Variants in PCCA observed in about 807,000 individuals in gnomAD.
PCCA encodes propionyl-CoA carboxylase subunit alpha.
PCCA carries 74 observed loss-of-function variants against 101.3 expected under a neutral mutation model. The observed-to-expected ratio is 0.73, with a 90% CI of 0.61 to 0.89. PCCA has a LOEUF of 0.89. PCCA is among the 40% of genes least tolerant of loss of function. PCCA has a pLI of 0.00. For synonymous variants in PCCA, 294 were observed against 313.6 expected, an observed-to-expected ratio of 0.94 and a Z score of 0.66; for missense variants, 891 against 907.0, an observed-to-expected ratio of 0.98 and a Z score of 0.23.
rs371548257 is a variant in PCCA at position 100,131,693 on chromosome 13, T to C, written c.300+19632T>C. On this transcript the variant is annotated intron_variant, in intron 4 of 23. Coordinates refer to ENST00000376285, the MANE Select transcript of PCCA (RefSeq NM_000282.4). ...ATGCCTTTACAGTATTTTATTATAT[T>C]AGCTTATGTTCATTGTATGGGGTTG... 1.1e-4 allele frequency among the ~76,000 whole-genome samples: 17 copies of C among 152,230 alleles called. No homozygotes were observed. In the East Asian group the frequency reaches 3.3e-3, roughly 29 times the overall value.
intron 8 of PCCA, among the ~76,000 whole-genome samples, chr13:100,246,587 C>G (rs2152539390): frequency 6.6e-6 from 1 of 152,084 alleles, no homozygotes; most frequent in East Asian, 1.9e-4. Context: ...TTTGGCCTCC[C>G]AAAGTGCTAG....
At chr13:100,123,435 A>G (rs1297956185) in intron 4 of PCCA, among the ~76,000 whole-genome samples, 1 of 152,246 alleles carries the variant, frequency 6.6e-6, no homozygotes, top group Admixed American at 6.5e-5. Flanking sequence ...AATTTCCTAT[A>G]TATCAATAAG....
At chr13:100,502,234 G>A (rs569304131) in intron 21 of PCCA, among the ~76,000 whole-genome samples, 1 of 152,174 alleles carries the variant, frequency 6.6e-6, no homozygotes, top group Admixed American at 6.5e-5. Flanking sequence ...TGCATTATGA[G>A]TGTATAGTGG....
At chr13:100,447,105 G>T (rs1277709598) in intron 20 of PCCA, among the ~76,000 whole-genome samples, 1 of 152,176 alleles carries the variant, frequency 6.6e-6, no homozygotes, top group East Asian at 1.9e-4. Context: ...AAATGGGTTG[G>T]CTGGGCGCAG....
chr13:100,138,623 T>A (rs1157957550), intron 4 of PCCA, among the ~76,000 whole-genome samples: 1 of 152,160 alleles, frequency 6.6e-6, no homozygotes, highest in East Asian at 1.9e-4. Context: ...CAACTAATGC[T>A]CTTAGTTTTC....
intron 21 of PCCA, among the ~76,000 whole-genome samples, chr13:100,494,361 G>T (rs1169618360): frequency 2.0e-5 from 3 of 151,980 alleles, no homozygotes; most frequent in Non-Finnish European, 4.4e-5. Context: ...GCTAGGTCAG[G>T]ATGCCAGCCT....
intron 20 of PCCA, among the ~76,000 whole-genome samples, chr13:100,428,731 T>C (rs2079341763): frequency 6.6e-6 from 1 of 152,110 alleles, no homozygotes; most frequent in Non-Finnish European, 1.5e-5. Context: ...TCTGCATTTC[T>C]GGCAAGCCCC....
At chr13:100,476,783 A>G (rs1463334941) in intron 21 of PCCA, among the ~76,000 whole-genome samples, 1 of 152,164 alleles carries the variant, frequency 6.6e-6, no homozygotes, top group African/African-American at 2.4e-5. Flanking sequence ...CATGTGTCAC[A>G]CAGTCACCTT....
chr13:100,144,487 T>C (rs1362387806), intron 4 of PCCA, among the ~76,000 whole-genome samples: 2 of 152,242 alleles, frequency 1.3e-5, no homozygotes, highest in Non-Finnish European at 2.9e-5. Context: ...TTTCATGTAC[T>C]CATTTTTATA....
At chr13:100,362,964 A>T (rs1213228217) in intron 18 of PCCA, among the ~76,000 whole-genome samples, 1 of 152,140 alleles carries the variant, frequency 6.6e-6, no homozygotes, top group Non-Finnish European at 1.5e-5. Flanking sequence ...GATGAACTTT[A>T]ATGTTGGAGT....
intron 16 of PCCA, among the ~76,000 whole-genome samples, chr13:100,319,620 A>G (rs2067781110): frequency 6.6e-6 from 1 of 152,088 alleles, no homozygotes. Context: ...TGTTTTTGTC[A>G]GGTTTGTCAA....
chr13:100,150,330 C>T (rs1019271473), intron 4 of PCCA, among the ~76,000 whole-genome samples: 2 of 152,054 alleles, frequency 1.3e-5, no homozygotes, highest in Admixed American at 1.3e-4. Context: ...CTGCACCTGG[C>T]TGCAGGCATA....
intron 18 of PCCA, among the ~76,000 whole-genome samples, chr13:100,365,455 A>C (rs538656381): frequency 4.7e-4 from 72 of 152,328 alleles, no homozygotes; most frequent in African/African-American, 1.4e-3. Context: ...CAATGTTCCA[A>C]TGCCTCTGGA....
intron 21 of PCCA, among the ~76,000 whole-genome samples, chr13:100,451,790 C>CCTCTCCTCTCTGTCCTCTTCCTCTCCTCT (rs2081274855): frequency 1.0e-5 from 1 of 98,996 alleles, no homozygotes; most frequent in Admixed American, 1.0e-4. Context: ...CTGTCCTCTT[C>CCTCTCCTCTCTGTCCTCTTCCTCTCCTCT]CTCTCCTCTC....
chr13:100,104,956 G>A (rs1013696601), intron 2 of PCCA, among the ~76,000 whole-genome samples: 18 of 151,970 alleles, frequency 1.2e-4, no homozygotes, highest in Admixed American at 3.9e-4. Flanking sequence ...TCCTGCCTCA[G>A]CCTCCCAAAG....
At chr13:100,497,085 T>G (rs1298460188) in intron 21 of PCCA, among the ~76,000 whole-genome samples, 2 of 152,148 alleles carry the variant, frequency 1.3e-5, no homozygotes, top group Non-Finnish European at 2.9e-5. Flanking sequence ...GTCTCTTAAT[T>G]CCATAGTTCT....
intron 20 of PCCA, among the ~76,000 whole-genome samples, chr13:100,427,543 G>A (rs1399221083): frequency 6.6e-6 from 1 of 152,010 alleles, no homozygotes; most frequent in Non-Finnish European, 1.5e-5. Context: ...ATCATGTTCG[G>A]TAAATCCCTT....
intron 19 of PCCA, among the ~76,000 whole-genome samples, chr13:100,404,281 T>C (rs1466624716): frequency 6.6e-6 from 1 of 152,188 alleles, no homozygotes; most frequent in Admixed American, 6.5e-5. Flanking sequence ...CAGGAAAACT[T>C]CACACTTTTG....
intron 21 of PCCA, among the ~76,000 whole-genome samples, chr13:100,450,575 G>A (rs1026478947): frequency 1.3e-5 from 2 of 152,136 alleles, no homozygotes; most frequent in Non-Finnish European, 2.9e-5. Context: ...TAACTCTGGA[G>A]TTTATTAAGA....
Sources: allele counts gnomAD v4.1 joint callset (sites outside exome capture counted in the v4.1 genomes callset), GRCh38; gene constraint gnomAD v4.1.1; transcripts MANE v1.5; gene names NCBI Gene and HGNC (gene_info 2026-07-23, HGNC 2026-07-21).